The following ANO10 variants were observed in gnomAD, a reference collection of about 807,000 sequenced individuals.
ANO10 encodes the protein anoctamin-10.
ANO10 carries 77 observed loss-of-function variants against 74.7 expected under a neutral mutation model. The observed-to-expected ratio is 1.03, with a 90% confidence interval of 0.86 to 1.25. The LOEUF (loss-of-function observed/expected upper bound fraction) is 1.25. Among genes scored for constraint, ANO10 ranks in the 50% most tolerant of loss-of-function variants. The pLI is 0.00. For synonymous variants in ANO10, 279 were observed against 284.9 expected, an observed-to-expected ratio of 0.98 and a Z score of 0.21; for missense variants, 721 against 778.1, an observed-to-expected ratio of 0.93 and a Z score of 0.87.
chr3:43,435,681 C>G (rs995451452), intron 11 of ANO10, among the ~76,000 whole-genome samples: 7 of 152,148 alleles, frequency 4.6e-5, no homozygotes, highest in Non-Finnish European at 5.9e-5. Flanking sequence ...GCCAAACTAC[C>G]AGAAATTTCA....
At chr3:43,502,378 T>C (rs1042551823) in intron 11 of ANO10, among the ~76,000 whole-genome samples, 1 of 152,164 alleles carries the variant, frequency 6.6e-6, no homozygotes, top group African/African-American at 2.4e-5. Context: ...CTTGCTGTAA[T>C]GAGTGACTTC....
rs141400669 is a variant in ANO10, at chr3:43,372,837, C to T, written c.1915-5863G>A. 8.9e-4 allele frequency: 1,363 copies of T among 1,535,384 alleles called. 7 individuals carry two copies. In the African/African-American group the frequency reaches 0.017, roughly 19 times the overall value. Reference sequence around the variant, plus strand: ...ATACCGTGGAAGAGAGACCAGCTTGCAGCTTGCAGCCTGCAGTAGCAGCCA... The same window carrying T: ...ATACCGTGGAAGAGAGACCAGCTTGTAGCTTGCAGCCTGCAGTAGCAGCCA... On this transcript the variant is annotated intron_variant, in intron 12 of 12. Transcript: ENST00000292246.
chr3:43,569,113 A>G (rs1207719216), intron 7 of ANO10, among the ~76,000 whole-genome samples: 2 of 148,880 alleles, frequency 1.3e-5, no homozygotes, highest in African/African-American at 5.1e-5. Flanking sequence ...CTCGACACAT[A>G]CACTCTCCCA....
intron 12 of ANO10, among the ~76,000 whole-genome samples, chr3:43,404,926 A>G (rs1281673999): frequency 6.6e-6 from 1 of 151,926 alleles, no homozygotes; most frequent in African/African-American, 2.4e-5. Flanking sequence ...AAAGAAAAAA[A>G]AAGCAAAACT....
intron 8 of ANO10, among the ~76,000 whole-genome samples, chr3:43,563,292 C>T (rs1470808419): frequency 3.3e-5 from 5 of 151,938 alleles, no homozygotes; most frequent in African/African-American, 9.7e-5. Flanking sequence ...AATAGAATTG[C>T]TATTATTAAA....
At chr3:43,511,859 G>A (rs2077519817) in intron 11 of ANO10, among the ~76,000 whole-genome samples, 1 of 151,594 alleles carries the variant, frequency 6.6e-6, no homozygotes, top group South Asian at 2.1e-4. Context: ...TAAAACAAGA[G>A]CACTGGCTCC....
At chr3:43,413,051 CA>C (rs554606213) in intron 12 of ANO10, among the ~76,000 whole-genome samples, 1 of 151,712 alleles carries the variant, frequency 6.6e-6, no homozygotes, top group Non-Finnish European at 1.5e-5. Flanking sequence ...GATTCCATTT[CA>C]AAAAAAATCA....
In ANO10 at chr3:43,393,621, C is replaced by T. The variant is rs370315900; in HGVS notation, c.1915-26647G>A. Among the ~76,000 whole-genome samples, 360 of 152,314 alleles carry T rather than the reference C, an allele frequency of 2.4e-3. 1 individual carries two copies. Among genetic ancestry groups the T allele is most frequent in the Middle Eastern group, 3.4e-3 (1 of 294 alleles). ...CTGGCCAACTCTCCATAGCCCTCCT[C>T]TCTTTCCCTCCAGCCACACTGGTCT... On this transcript the variant is annotated intron_variant, in intron 12 of 12. Coordinates refer to ENST00000292246, the MANE Select transcript of ANO10 (RefSeq NM_018075.5).
At chr3:43,514,948 T>C (rs2077650222) in intron 11 of ANO10, among the ~76,000 whole-genome samples, 1 of 152,178 alleles carries the variant, frequency 6.6e-6, no homozygotes, top group Non-Finnish European at 1.5e-5. Context: ...CTTGCCAGAA[T>C]ATGTGGGATG....
In ANO10 at chr3:43,604,665, T is replaced by C. The variant is rs141613794; in HGVS notation, c.139+1049A>G. Among the ~76,000 whole-genome samples, 715 of 152,238 alleles carry C rather than the reference T, an allele frequency of 4.7e-3. 5 individuals carry two copies. The highest frequency in any genetic ancestry group is 0.017 in the African/African-American group (687 of 41,544). ...ATGCAGAACACTTTTTTGGAAAGAT[T>C]TTTTATGATCGCCCAAAAAGTGTGG... is the stretch of plus-strand genomic sequence containing the variant. On this transcript the variant is annotated intron_variant, in intron 2 of 12. Coordinates refer to ENST00000292246, the MANE Select transcript of ANO10 (RefSeq NM_018075.5).
intron 1 of ANO10, among the ~76,000 whole-genome samples, chr3:43,641,369 A>G (rs1489634639): frequency 6.6e-6 from 1 of 152,212 alleles, no homozygotes; most frequent in Non-Finnish European, 1.5e-5. Context: ...AGAAAAATCC[A>G]ATACCTATAT....
intron 1 of ANO10, among the ~76,000 whole-genome samples, chr3:43,612,461 T>C (rs1378644526): frequency 1.3e-5 from 2 of 152,096 alleles, no homozygotes; most frequent in Non-Finnish European, 2.9e-5. Context: ...CCTTCAGCTC[T>C]GTTACCAAGC....
rs374379984 is a variant in ANO10 at position 43,495,764 on chromosome 3, A to G, written c.1797+53956T>C. On this transcript the variant is annotated intron_variant, in intron 11 of 12. Transcript: ENST00000292246. Reference sequence around the variant, plus strand: ...CCCCCAGGCTGGAGAGCAGTGGCGCAATCTCGGCTCACTGCAACCTCTGCT... The same window carrying G: ...CCCCCAGGCTGGAGAGCAGTGGCGCGATCTCGGCTCACTGCAACCTCTGCT... 1.8e-4 allele frequency among the ~76,000 whole-genome samples: 27 copies of G among 152,036 alleles called. 1 individual carries two copies. Among genetic ancestry groups the G allele is most frequent in the East Asian group, 7.8e-4 (4 of 5,156 alleles).
chr3:43,571,832 T>C (rs1040884997), intron 7 of ANO10, among the ~76,000 whole-genome samples: 1 of 49,016 alleles, frequency 2.0e-5, no homozygotes, highest in African/African-American at 6.1e-5. Context: ...ACTTAAAGTA[T>C]AAAAAAAAAA....
chr3:43,480,969 T>TAA lies in ANO10; in HGVS notation c.1798-48243_1798-48242insTT, dbSNP rs1311853031. Reference sequence around the variant, plus strand: ...ATAATAATACAACCACTACATTGTATTATTGTATAATAATTGTATAATAAT... The same window carrying TAA: ...ATAATAATACAACCACTACATTGTATAATATTGTATAATAATTGTATAATAAT... On this transcript the variant is annotated intron_variant, in intron 11 of 12. Coordinates refer to ENST00000292246, the MANE Select transcript of ANO10 (RefSeq NM_018075.5). 2.9e-4 allele frequency among the ~76,000 whole-genome samples: 3 copies of TAA among 10,456 alleles called. No individual in the cohort carries two copies. In the East Asian group the frequency reaches 0.014, roughly 47 times the overall value. The allele number at this position is 10,456 out of a possible 152,430, so 6.9% of individuals were successfully genotyped here. A position where few individuals can be genotyped will look rare whatever the true frequency, so the allele number is the denominator to read the frequency against.
rs150799764 is a variant in ANO10 at position 43,653,970 on chromosome 3, T to C, written c.-12+37547A>G. On this transcript the variant is annotated intron_variant, in intron 1 of 3. Coordinates refer to the ANO10 transcript ENST00000413397. The stretch of plus-strand genomic sequence containing the variant: ...ACTTCTGGAAGCATCACCTCCTTTT[T>C]CTGGCCCTTGTCACACCTGGATATG... 5.9e-3 allele frequency among the ~76,000 whole-genome samples: 894 copies of C among 152,108 alleles called. 3 individuals carry two copies. The highest frequency in any genetic ancestry group is 0.01 in the Middle Eastern group (3 of 294).
At chr3:43,664,380 T>C (rs1370953159) in intron 1 of ANO10, among the ~76,000 whole-genome samples, 1 of 151,742 alleles carries the variant, frequency 6.6e-6, no homozygotes, top group African/African-American at 2.4e-5. Context: ...AAAAATCAAC[T>C]CAAGATGGAT....
At chr3:43,491,570 A>G (rs2076726349) in intron 11 of ANO10, among the ~76,000 whole-genome samples, 1 of 152,108 alleles carries the variant, frequency 6.6e-6, no homozygotes, top group Non-Finnish European at 1.5e-5. Flanking sequence ...ACTCCATCTC[A>G]CAAGTCACCT....
At chr3:43,412,455 C>T (rs2092680902) in intron 12 of ANO10, among the ~76,000 whole-genome samples, 1 of 152,216 alleles carries the variant, frequency 6.6e-6, no homozygotes, top group African/African-American at 2.4e-5. Context: ...CACACCGTTG[C>T]CTGCACTGCA....
Sources: gnomAD v4.1 joint callset for allele counts (sites outside exome capture counted in the v4.1 genomes callset) on GRCh38, gnomAD v4.1.1 for gene constraint, MANE v1.5 for transcripts, NCBI Gene and HGNC (gene_info 2026-07-23, HGNC 2026-07-21) for gene names.